TTC6: variants seen among roughly 807,000 people sequenced by gnomAD.
TTC6 encodes tetratricopeptide repeat protein 6.
Under a neutral mutation model 210.4 loss-of-function variants are expected in TTC6, and 172 were observed. That is an observed-to-expected ratio of 0.82 (90% CI 0.72 to 0.93). The LOEUF is 0.93. TTC6 is among the 40% of genes least tolerant of loss of function. The pLI, the probability that TTC6 is intolerant of heterozygous loss-of-function variation, is 0.00. For synonymous variants in TTC6, 804 were observed against 819.6 expected, an observed-to-expected ratio of 0.98 and a Z score of 0.32; for missense variants, 2,414 against 2,318.1, an observed-to-expected ratio of 1.04 and a Z score of -0.85.
intron 29 of TTC6, among the ~76,000 whole-genome samples, chr14:37,836,072 T>C (rs551048358): frequency 6.6e-6 from 1 of 152,326 alleles, no homozygotes; most frequent in African/African-American, 2.4e-5. Flanking sequence ...TACAAGTTCA[T>C]TGAAGCCCAT....
rs1186635258 is a variant in TTC6, at chr14:37,665,322, A to T, written c.940-14829A>T. ...ACCATGGAATACTATGCAGCCATAA[A>T]AAGAATGAGATCATCTCCTTTGCAG... On this transcript the variant is annotated intron_variant, in intron 1 of 30. Transcript: ENST00000553443. 3.3e-5 allele frequency among the ~76,000 whole-genome samples: 5 copies of T among 150,118 alleles called. 1 individual carries two copies. Among genetic ancestry groups the T allele is most frequent in the Non-Finnish European group, 6.0e-5 (4 of 66,738 alleles).
In TTC6 at chr14:37,792,339, G is replaced by A; in HGVS notation, c.3633G>A (p.Trp1211Ter). The A allele has an allele frequency of 5.2e-6, 8 of 1,532,510 alleles. No individual in the cohort carries two copies. Among genetic ancestry groups the A allele is most frequent in the Non-Finnish European group, 7.0e-6 (8 of 1,145,404 alleles). The allele number at this position is 1,532,510 out of a possible 1,614,324, so 94.9% of individuals were successfully genotyped here. A position where few individuals can be genotyped will look rare whatever the true frequency, so the allele number is the denominator to read the frequency against. The change falls in exon 17 of 31, where the codon TGG becomes TGA. Residue 1211 changes from tryptophan (W) to a stop codon, truncating the protein, a stop_gained. Transcript: ENST00000553443. LOFTEE classifies it high-confidence loss of function. The stretch of plus-strand genomic sequence containing the variant: ...TGGATAACTACACGGAAGCTATTTG[G>A]CAATTTTCTGAGGCTATTAGAATTG...
At chr14:37,839,055 G>T (rs2096204314) in intron 29 of TTC6, among the ~76,000 whole-genome samples, 1 of 152,114 alleles carries the variant, frequency 6.6e-6, no homozygotes, top group East Asian at 1.9e-4. Flanking sequence ...ATCTATTATT[G>T]TTGGGGATTT....
At chr14:37,740,902 T>G (rs2095916980) in intron 10 of TTC6, among the ~76,000 whole-genome samples, 1 of 152,174 alleles carries the variant, frequency 6.6e-6, no homozygotes, top group African/African-American at 2.4e-5. Flanking sequence ...CTAAATGACT[T>G]CTATCTAAAA....
intron 1 of TTC6, among the ~76,000 whole-genome samples, chr14:37,602,560 G>A (rs914411823): frequency 1.3e-5 from 2 of 152,184 alleles, no homozygotes; most frequent in African/African-American, 4.8e-5. Context: ...GCACAAGGCT[G>A]TGCGATCCTC....
chr14:37,602,673 G>A (rs899342052), intron 1 of TTC6, among the ~76,000 whole-genome samples: 1 of 152,088 alleles, frequency 6.6e-6, no homozygotes, highest in African/African-American at 2.4e-5. Flanking sequence ...TGCGGCGGAG[G>A]ATCTGCACCC....
rs944399421 is a variant in TTC6, at chr14:37,598,662, C to G, written c.-235+2654C>G. On this transcript the variant is annotated intron_variant, in intron 1 of 2. Transcript: ENST00000556845. This position sits in a 1 kb window ranked among gnomAD's most constrained non-coding sequence, Gnocchi z 4.9. ...AAGGTGGAAGGAGAGGCCGCGGCCT[C>G]GGGCCTCGGGCCCCGGGCCCAGACG... is the stretch of plus-strand genomic sequence containing the variant. Among the ~76,000 whole-genome samples, 1 of 152,130 alleles carries G rather than the reference C, an allele frequency of 6.6e-6. No homozygotes were observed.
At chr14:37,786,464 G>A (rs1480477830) in intron 14 of TTC6, among the ~76,000 whole-genome samples, 1 of 152,244 alleles carries the variant, frequency 6.6e-6, no homozygotes, top group Admixed American at 6.5e-5. Flanking sequence ...CATTTGCTAA[G>A]ACTGTTGGAA....
chr14:37,686,583 C>T (rs1031509398), intron 3 of TTC6, among the ~76,000 whole-genome samples: 2 of 152,068 alleles, frequency 1.3e-5, no homozygotes, highest in African/African-American at 4.8e-5. Context: ...GGGAAATTTA[C>T]AAAAGAAAGA....
upstream of TTC6, among the ~76,000 whole-genome samples, chr14:37,619,792 A>ATT (rs201524114): frequency 2.3e-3 from 329 of 145,884 alleles, no homozygotes; most frequent in African/African-American, 6.3e-3. Context: ...TATGTTTTCC[A>ATT]TTTTTTTTTT....
intron 5 of TTC6, among the ~76,000 whole-genome samples, chr14:37,704,621 A>C (rs1019835634): frequency 1.5e-4 from 22 of 151,668 alleles, no homozygotes; most frequent in African/African-American, 5.1e-4. Context: ...TTTATATTAA[A>C]ATTTTAGTTA....
chr14:37,621,765 C>T (rs1002397948), upstream of TTC6, among the ~76,000 whole-genome samples: 5 of 151,986 alleles, frequency 3.3e-5, no homozygotes, highest in Non-Finnish European at 7.4e-5. Flanking sequence ...GGAAGTGGAA[C>T]ATTACTAATT....
At chr14:37,839,737 T>C (rs1484808775) in intron 29 of TTC6, among the ~76,000 whole-genome samples, 2 of 152,052 alleles carry the variant, frequency 1.3e-5, no homozygotes, top group East Asian at 1.9e-4. Flanking sequence ...CTATGTCCTG[T>C]ATGGTATCGC....
intron 5 of TTC6, among the ~76,000 whole-genome samples, chr14:37,707,988 T>A (rs1377939997): frequency 6.6e-6 from 1 of 152,086 alleles, no homozygotes; most frequent in African/African-American, 2.4e-5. Flanking sequence ...TTTGCCTCTA[T>A]AGTTTCTCTC....
chr14:37,672,041 G>A (rs1490688263), intron 1 of TTC6, among the ~76,000 whole-genome samples: 1 of 152,082 alleles, frequency 6.6e-6, no homozygotes, highest in Admixed American at 6.6e-5. Flanking sequence ...TTCTTTATAG[G>A]AGTGTGAAAA....
chr14:37,602,744 G>A (rs554149776), intron 1 of TTC6, among the ~76,000 whole-genome samples: 2 of 152,276 alleles, frequency 1.3e-5, no homozygotes, highest in East Asian at 3.9e-4. Flanking sequence ...CCCAGTCACC[G>A]CGGTGGGGGA....
chr14:37,841,616 C>T (rs2096210299), exon 30 of TTC6: 31 of 1,604,104 alleles, frequency 1.9e-5, no homozygotes, highest in Non-Finnish European at 2.5e-5. Context: ...TAATAGAGCA[C>T]ATTTCTACTA....
chr14:37,700,604 G>A (rs190261309), intron 4 of TTC6, among the ~76,000 whole-genome samples: 5 of 151,888 alleles, frequency 3.3e-5, no homozygotes, highest in East Asian at 3.9e-4. Context: ...TTAGCTGGGC[G>A]TGGTGGTACG....
chr14:37,802,737 CTTTT>C (rs35779497), intron 20 of TTC6, among the ~76,000 whole-genome samples: 1 of 136,406 alleles, frequency 7.3e-6, no homozygotes, highest in African/African-American at 2.7e-5. Flanking sequence ...TCTTTTTTCT[CTTTT>C]TTTTTTTTTT....
Sources: gnomAD v4.1 joint callset for allele counts (sites outside exome capture counted in the v4.1 genomes callset) on GRCh38, gnomAD v4.1.1 for gene constraint, Gnocchi (gnomAD v3.1) non-coding constraint, MANE v1.5 for transcripts, NCBI Gene and HGNC (gene_info 2026-07-23, HGNC 2026-07-21) for gene names.